COPS5: variants seen among roughly 807,000 people sequenced by gnomAD.
The protein encoded by COPS5 is COP9 signalosome subunit 5.
A neutral mutation model predicts 44.4 loss-of-function variants in COPS5; 8 were observed. The ratio of observed to expected loss-of-function variants is 0.18; its 90% CI spans 0.11 to 0.32. COPS5 has a LOEUF of 0.32. Among genes scored for constraint, COPS5 ranks in the 10% least tolerant of loss-of-function variants. The pLI is 1.00. For synonymous variants in COPS5, 122 were observed against 142.8 expected (o/e 0.85, Z 1.04); for missense variants, 159 against 406.4 (o/e 0.39, Z 5.23).
At chr8:67,061,197 A>G in intron 1 of COPS5, 1 of 258,044 alleles carries the variant, frequency 3.9e-6, no homozygotes, top group African/African-American at 2.3e-5. Context: ...AAAGGTCTTA[A>G]GCTCTATTTT....
At chr8:67,053,461 G>A (rs1426122152) in intron 5 of COPS5, among the ~76,000 whole-genome samples, 5 of 151,608 alleles carry the variant, frequency 3.3e-5, no homozygotes, top group Non-Finnish European at 7.4e-5. Context: ...AGCACTTTGG[G>A]AGGCTGAGGC....
chr8:67,052,520 C>T (rs1196830404), intron 5 of COPS5, among the ~76,000 whole-genome samples: 10 of 150,358 alleles, frequency 6.7e-5, no homozygotes, highest in African/African-American at 1.5e-4. Flanking sequence ...CGGGTTCAAG[C>T]GATTCTCCTG....
chr8:67,045,296 AC>A (rs2129537714), intron 7 of COPS5: 1 of 152,716 alleles, frequency 6.5e-6, no homozygotes, highest in African/African-American at 2.4e-5. Context: ...TACAAAAAAT[AC>A]AAAAAAATTA....
chr8:67,056,681 ATATATATATATATATATATATAT>A (rs1804516540), intron 4 of COPS5, 77 bp from the exon 5 acceptor site: 1 of 126,352 alleles, frequency 7.9e-6, no homozygotes. Flanking sequence ...ATATATATAT[ATATATATATATATATATATATAT>A]ATATATAAAA....
At chr8:67,043,701 GA>G (rs1437172067) in intron 7 of COPS5, 2 of 152,790 alleles carry the variant, frequency 1.3e-5, no homozygotes, top group African/African-American at 4.8e-5. Flanking sequence ...GCTTTTTTCT[GA>G]AATAATCACA....
intron 6 of COPS5, among the ~76,000 whole-genome samples, chr8:67,050,373 C>T (rs1038678500): frequency 6.6e-6 from 1 of 152,190 alleles, no homozygotes; most frequent in African/African-American, 2.4e-5. Context: ...CCTCTCCTCC[C>T]CATTTTTAGT....
At chr8:67,061,796 G>A (rs1307301522) in intron 1 of COPS5, 58 bp downstream of exon 1, 1 of 1,563,254 alleles carries the variant, frequency 6.4e-7, no homozygotes, top group Non-Finnish European at 8.8e-7. Context: ...TCTCCCTCTG[G>A]GTCTCTTAAA....
intron 6 of COPS5, 74 bp downstream of exon 6, chr8:67,051,156 C>T (rs1347427957): frequency 2.0e-6 from 2 of 1,005,590 alleles, no homozygotes; most frequent in Admixed American, 3.5e-5. Flanking sequence ...TTCTGTGAAA[C>T]AGTGTTTCAG....
At chr8:67,057,312 G>A in intron 4 of COPS5, 68 bp downstream of exon 4, 1 of 1,030,030 alleles carries the variant, frequency 9.7e-7, no homozygotes, top group East Asian at 2.4e-5. Context: ...TCATGCCTGT[G>A]AATAGCCACT....
intron 5 of COPS5, among the ~76,000 whole-genome samples, chr8:67,054,003 T>TA (rs1563446383): frequency 6.8e-6 from 1 of 146,998 alleles, no homozygotes; most frequent in Non-Finnish European, 1.5e-5. Context: ...AAGACTCCAT[T>TA]TAAAAAAAAA....
intron 7 of COPS5, chr8:67,045,042 A>G (rs1816682688): frequency 6.6e-6 from 1 of 152,236 alleles, no homozygotes; most frequent in Admixed American, 6.5e-5. Flanking sequence ...TTTGGTAGTA[A>G]AATTTGGGAT....
At chr8:67,057,821 C>G (rs1344084864) in intron 3 of COPS5, among the ~76,000 whole-genome samples, 1 of 152,172 alleles carries the variant, frequency 6.6e-6, no homozygotes, top group African/African-American at 2.4e-5. Context: ...GTTCAGTCAA[C>G]ACTGATTGAA....
Position 67,061,875 on chromosome 8 carries a change from G to A in COPS5, c.122C>T (p.Ala41Val). Residue 41 changes from alanine (A) to valine (V), a missense_variant, in exon 1 of 8, where the codon GCG (alanine) becomes GTG (valine). Physicochemically the swap from Ala to Val is moderately conservative, Grantham distance 64. Transcript: ENST00000357849. ...YDKKQQQEIL[A>V]AKPWTKDHHY... The stretch of plus-strand genomic sequence containing the variant: ...TCACTCCTTAGTCCAGGGCTTCGCC[G>A]CCAGGATTTCTTGCTGCTGTTTCTT... 2 of 1,614,088 alleles carry A rather than the reference G, an allele frequency of 1.2e-6. No individual in the cohort carries two copies. The highest frequency in any genetic ancestry group is 8.5e-7 in the Non-Finnish European group (1 of 1,180,012).
chr8:67,061,186 A>G (rs1391778468), intron 1 of COPS5: 1 of 216,446 alleles, frequency 4.6e-6, no homozygotes, highest in Admixed American at 5.6e-5. Context: ...GTTGAAGGGC[A>G]AAAGGTCTTA....
intron 6 of COPS5, among the ~76,000 whole-genome samples, chr8:67,050,398 A>G (rs1016371860): frequency 1.3e-5 from 2 of 152,184 alleles, no homozygotes; most frequent in Non-Finnish European, 2.9e-5. Context: ...GAGCTCCTGA[A>G]GGAGTTTTCT....
chr8:67,055,222 G>A (rs1804485602), intron 5 of COPS5, among the ~76,000 whole-genome samples: 1 of 152,246 alleles, frequency 6.6e-6, no homozygotes, highest in Non-Finnish European at 1.5e-5. Flanking sequence ...TGAGCTCACA[G>A]AGGCTGTAGG....
rs112921751 is a variant in COPS5, at chr8:67,050,843, C to A, written c.771+387G>T. Among the ~76,000 whole-genome samples the A allele has an allele frequency of 7.7e-4, 117 of 151,900 alleles. 1 individual carries two copies. Among genetic ancestry groups the A allele is most frequent in the African/African-American group, 2.7e-3 (110 of 41,456 alleles). On this transcript the variant is annotated intron_variant, in intron 6 of 7. Coordinates refer to ENST00000357849, the MANE Select transcript of COPS5 (RefSeq NM_006837.3). ...GCCTGAGTTAAGCCCTATTCCTCAA[C>A]TTTGCAACTTACACAATTCCCTTTC... is the stretch of plus-strand genomic sequence containing the variant.
intron 1 of COPS5, 29 bp downstream of exon 1, chr8:67,061,825 C>A: frequency 6.2e-7 from 1 of 1,612,236 alleles, no homozygotes; most frequent in South Asian, 1.1e-5. Flanking sequence ...CCCTTTCCCT[C>A]CCCTGCGTCT....
At chr8:67,053,595 G>A (rs1804451481) in intron 5 of COPS5, among the ~76,000 whole-genome samples, 1 of 151,746 alleles carries the variant, frequency 6.6e-6, no homozygotes, top group Non-Finnish European at 1.5e-5. Context: ...CAGCTACTCG[G>A]GAGGCTGAGG....
Sources: allele counts gnomAD v4.1 joint callset (sites outside exome capture counted in the v4.1 genomes callset), GRCh38; gene constraint gnomAD v4.1.1; transcripts MANE v1.5; gene names NCBI Gene and HGNC (gene_info 2026-07-23, HGNC 2026-07-21).